The following DMD variants were observed in gnomAD, a reference collection of about 807,000 sequenced individuals.
DMD encodes dystrophin, also known as mutant dystrophin.
A neutral mutation model predicts 330.1 loss-of-function variants in DMD; 63 were observed. The ratio of observed to expected loss-of-function variants is 0.19; its 90% CI spans 0.16 to 0.24. DMD has a LOEUF of 0.24. Ranked by LOEUF, DMD falls within the 10% of genes least tolerant of loss-of-function variation. The pLI is 1.00. For synonymous variants in DMD, 1,223 were observed against 959.8 expected, an observed-to-expected ratio of 1.27 and a Z score of -5.07; for missense variants, 3,344 against 2,684.1, an observed-to-expected ratio of 1.25 and a Z score of -5.43.
At chrX:32,295,465 A>G (rs778996703) in intron 42 of DMD, among the ~76,000 whole-genome samples, 1 of 112,589 alleles carries the variant, frequency 8.9e-6, no homozygotes, top group Non-Finnish European at 1.9e-5. Flanking sequence ...TATTGTTTAA[A>G]TAAGTGTTTA....
chrX:31,743,765 T>A (rs1039652265), intron 51 of DMD, among the ~76,000 whole-genome samples: 4 of 111,840 alleles, frequency 3.6e-5, no homozygotes, highest in African/African-American at 1.3e-4. Flanking sequence ...ACAGTATCAT[T>A]TGTACTCCAA....
chrX:33,314,570 G>T (rs28866298), intron 1 of DMD, among the ~76,000 whole-genome samples: 36,268 of 78,848 alleles, frequency 0.46, 7,277 homozygotes, highest in African/African-American at 0.62. Context: ...TTTTTTTTTT[G>T]TTTTTTTTTT....
At chrX:31,490,566 A>T (rs2069201241) in intron 57 of DMD, among the ~76,000 whole-genome samples, 1 of 112,158 alleles carries the variant, frequency 8.9e-6, no homozygotes, top group Non-Finnish European at 1.9e-5. Flanking sequence ...AAAAAAAATT[A>T]AAGAAAAAAT....
At chrX:31,139,522 A>C (rs2035778920) in intron 76 of DMD, among the ~76,000 whole-genome samples, 1 of 109,054 alleles carries the variant, frequency 9.2e-6, no homozygotes, top group Admixed American at 9.8e-5. Flanking sequence ...ATGGAATATT[A>C]GTCATGAAAG....
intron 2 of DMD, among the ~76,000 whole-genome samples, chrX:32,885,231 G>A (rs906807210): frequency 5.4e-5 from 6 of 111,646 alleles, no homozygotes; most frequent in Non-Finnish European, 1.1e-4. Flanking sequence ...GGAAGCTACC[G>A]CATCATTCCA....
At chrX:32,545,785 A>G (rs1430488782) in intron 16 of DMD, among the ~76,000 whole-genome samples, 1 of 111,548 alleles carries the variant, frequency 9.0e-6, no homozygotes. Context: ...ATACACATTG[A>G]TTATTTTATG....
chrX:32,656,481 A>C (rs765822697), intron 9 of DMD, among the ~76,000 whole-genome samples: 53 of 112,379 alleles, frequency 4.7e-4, no homozygotes, highest in South Asian at 3.3e-3. Flanking sequence ...TAGTGCCACG[A>C]AACCTACAGC....
intron 74 of DMD, among the ~76,000 whole-genome samples, chrX:31,153,674 G>T (rs892582082): frequency 8.9e-6 from 1 of 112,114 alleles, no homozygotes; most frequent in Admixed American, 9.4e-5. Context: ...TATAGTCAAG[G>T]TTCCCTCAGT....
chrX:32,614,518 G>T, intron 11 of DMD, 65 bp from the exon 12 acceptor site: 1 of 934,933 alleles, frequency 1.1e-6, no homozygotes, highest in Non-Finnish European at 1.5e-6. Context: ...ACATCACAAT[G>T]TAAAACAATA....
intron 5 of DMD, among the ~76,000 whole-genome samples, chrX:32,819,889 C>T (rs887701741): frequency 1.1e-4 from 12 of 107,259 alleles, no homozygotes; most frequent in African/African-American, 4.1e-4. Flanking sequence ...TTTAGATTCA[C>T]TGGATTATGA....
intron 51 of DMD, among the ~76,000 whole-genome samples, chrX:31,766,952 A>G (rs1318439950): frequency 9.3e-6 from 1 of 108,049 alleles, no homozygotes; most frequent in Non-Finnish European, 1.9e-5. Flanking sequence ...TTTTGTTATG[A>G]CCAGAGAATA....
chrX:31,415,663 T>A (rs889674700), intron 60 of DMD, among the ~76,000 whole-genome samples: 1 of 112,073 alleles, frequency 8.9e-6, no homozygotes, highest in African/African-American at 3.2e-5. Flanking sequence ...GAAAAGTCAA[T>A]TATGGATAAA....
chrX:31,596,540 A>G (rs2148175035), intron 55 of DMD, among the ~76,000 whole-genome samples: 1 of 111,814 alleles, frequency 8.9e-6, no homozygotes, highest in East Asian at 2.8e-4. Context: ...TTCAACTCTC[A>G]GAACCTGGTT....
At chrX:32,019,625 C>T (rs2095792942) in intron 44 of DMD, among the ~76,000 whole-genome samples, 1 of 111,637 alleles carries the variant, frequency 9.0e-6, no homozygotes, top group South Asian at 3.7e-4. Flanking sequence ...TGTTTCAAAG[C>T]TCGTAAAATA....
At chrX:33,020,957 T>C (rs1046335768) in intron 1 of DMD, among the ~76,000 whole-genome samples, 2 of 111,020 alleles carry the variant, frequency 1.8e-5, no homozygotes. Flanking sequence ...GGAAGAGGTT[T>C]CCTGATGAGC....
rs1462311598 is a variant in DMD at position 32,390,180 on chromosome X, T to C, written c.4235A>G (p.Lys1412Arg). ...ATGACTTGTCAAATCAGATTGGATT[T>C]TCTGTTGGGAGGATAGCATTATTAG... Reference protein sequence around the residue: ...DAAQMPQEAQKIQSDLTSHEI... With the variant: ...DAAQMPQEAQRIQSDLTSHEI... The change falls in exon 31 of 79, where the codon AAA (lysine) becomes AGA (arginine). Residue 1412 changes from lysine to arginine, a missense_variant and splice_region_variant. By Grantham distance (26) the Lys-to-Arg change is conservative. Coordinates refer to ENST00000357033, the MANE Select transcript of DMD (RefSeq NM_004006.3). 4 of 1,176,904 alleles carry C rather than the reference T, an allele frequency of 3.4e-6. No homozygotes were observed.
At chrX:31,152,215 G>A (rs2037513056) in intron 74 of DMD, among the ~76,000 whole-genome samples, 2 of 107,437 alleles carry the variant, frequency 1.9e-5, no homozygotes, top group African/African-American at 7.0e-5. Context: ...GGAGGCTGGG[G>A]TGCAGTGGCA....
chrX:32,960,951 C>T (rs1256255693), intron 2 of DMD, among the ~76,000 whole-genome samples: 2 of 97,612 alleles, frequency 2.0e-5, no homozygotes, highest in Admixed American at 1.2e-4. Flanking sequence ...TCAATTTAAA[C>T]GAAGTACTGC....
At chrX:31,845,029 C>CAT (rs755920510) in intron 48 of DMD, among the ~76,000 whole-genome samples, 1,993 of 90,599 alleles carry the variant, frequency 0.022, 34 homozygotes, top group African/African-American at 0.052. Context: ...TATGTGTATA[C>CAT]ATATATATAT....
Sources: gnomAD v4.1 joint callset for allele counts (sites outside exome capture counted in the v4.1 genomes callset) on GRCh38, gnomAD v4.1.1 for gene constraint, MANE v1.5 for transcripts, NCBI Gene and HGNC (gene_info 2026-07-23, HGNC 2026-07-21) for gene names.